The following FMNL2 variants were observed in gnomAD, a reference collection of about 807,000 sequenced individuals.
FMNL2 encodes the protein formin-like protein 2.
In FMNL2, 51 loss-of-function variants were observed where a neutral mutation model predicts 130.2. The ratio of observed to expected loss-of-function variants is 0.39; its 90% CI spans 0.31 to 0.49. The LOEUF is 0.49. Among genes scored for constraint, FMNL2 ranks in the 20% least tolerant of loss-of-function variants. The pLI, the probability that FMNL2 is intolerant of heterozygous loss-of-function variation, is 0.85. For synonymous variants in FMNL2, 465 were observed against 467.1 expected (o/e 1.00, Z 0.06); for missense variants, 977 against 1,316.2 (o/e 0.74, Z 3.99).
At chr2:152,381,810 C>CTTTTTT (rs3047878) in intron 1 of FMNL2, among the ~76,000 whole-genome samples, 5 of 149,916 alleles carry the variant, frequency 3.3e-5, no homozygotes. Flanking sequence ...CAAAGCAGAA[C>CTTTTTT]TTTTTTTTTT....
intron 1 of FMNL2, chr2:152,390,324 G>T: frequency 8.2e-7 from 1 of 1,218,216 alleles, no homozygotes; most frequent in Non-Finnish European, 1.2e-6. Context: ...AGTGAAGGTA[G>T]GGGAGAGCTC....
At chr2:152,599,155 T>C (rs1242530123) in intron 9 of FMNL2, among the ~76,000 whole-genome samples, 1 of 152,222 alleles carries the variant, frequency 6.6e-6, no homozygotes, top group African/African-American at 2.4e-5. Flanking sequence ...CTTTACTCAC[T>C]GTCACAGACA....
At chr2:152,574,328 CGGGAGGCTGAG>C (rs1340538175) in intron 6 of FMNL2, among the ~76,000 whole-genome samples, 1 of 149,990 alleles carries the variant, frequency 6.7e-6, no homozygotes, top group Non-Finnish European at 1.5e-5. Context: ...CCGAGCTACT[CGGGAGGCTGAG>C]GCAGGAGAAT....
intron 9 of FMNL2, among the ~76,000 whole-genome samples, chr2:152,589,112 A>AG (rs1487508736): frequency 6.6e-6 from 1 of 151,556 alleles, no homozygotes; most frequent in African/African-American, 2.4e-5. Context: ...AGCTTAAAAA[A>AG]AAAAAAAAGA....
chr2:152,602,124 G>A (rs1346097671), intron 9 of FMNL2, among the ~76,000 whole-genome samples: 1 of 152,158 alleles, frequency 6.6e-6, no homozygotes, highest in Admixed American at 6.5e-5. Context: ...TACCCTTATA[G>A]CCCTTTACCC....
chr2:152,635,677 A>G (rs946718142), intron 21 of FMNL2, among the ~76,000 whole-genome samples: 2 of 152,226 alleles, frequency 1.3e-5, no homozygotes, highest in Non-Finnish European at 2.9e-5. Flanking sequence ...CTGGTACTCA[A>G]CGTCCTAAAG....
intron 1 of FMNL2, among the ~76,000 whole-genome samples, chr2:152,434,174 A>G (rs1687630072): frequency 6.6e-6 from 1 of 152,238 alleles, no homozygotes. Context: ...AACCATTTAC[A>G]AAATACACTC....
intron 1 of FMNL2, among the ~76,000 whole-genome samples, chr2:152,495,718 G>A (rs1273399106): frequency 6.8e-6 from 1 of 146,168 alleles, no homozygotes; most frequent in Non-Finnish European, 1.5e-5. Context: ...GAGAGGACAG[G>A]ATACACATAC....
At chr2:152,532,007 A>T (rs953463535) in intron 2 of FMNL2, among the ~76,000 whole-genome samples, 3 of 152,242 alleles carry the variant, frequency 2.0e-5, no homozygotes, top group African/African-American at 7.2e-5. Flanking sequence ...GTATGGAGGT[A>T]CATTTTTAGC....
chr2:152,626,404 T>C (rs1681788678), intron 16 of FMNL2, 121 bp from the exon 17 acceptor site: 12 of 765,054 alleles, frequency 1.6e-5, no homozygotes, highest in Non-Finnish European at 2.1e-6. Context: ...GAGGAAGCCA[T>C]GGCCAAAGAC....
At chr2:152,611,113 G>A (rs1056580384) in intron 10 of FMNL2, among the ~76,000 whole-genome samples, 9 of 152,224 alleles carry the variant, frequency 5.9e-5, no homozygotes, top group East Asian at 1.9e-4. Flanking sequence ...GGCCCAGGCC[G>A]GCGGATCACG....
At chr2:152,583,485 G>A (rs1696901039) in intron 9 of FMNL2, among the ~76,000 whole-genome samples, 1 of 152,206 alleles carries the variant, frequency 6.6e-6, no homozygotes, top group African/African-American at 2.4e-5. Flanking sequence ...GTCACACAAG[G>A]TGGTTTGGGG....
chr2:152,607,856 A>G (rs540258029), intron 10 of FMNL2, among the ~76,000 whole-genome samples: 12 of 152,206 alleles, frequency 7.9e-5, no homozygotes, highest in East Asian at 1.9e-4. Context: ...GACTGTATGT[A>G]TCTCCAAAAT....
chr2:152,623,154 A>G (rs1425020531), intron 15 of FMNL2, among the ~76,000 whole-genome samples: 1 of 152,186 alleles, frequency 6.6e-6, no homozygotes, highest in Non-Finnish European at 1.5e-5. Flanking sequence ...GCAAACTTCT[A>G]GCGAGCGTCA....
At chr2:152,592,490 C>G (rs758446668) in intron 9 of FMNL2, among the ~76,000 whole-genome samples, 1 of 152,148 alleles carries the variant, frequency 6.6e-6, no homozygotes, top group Admixed American at 6.5e-5. Context: ...AGAAAGAAAG[C>G]ATGAGCAGAG....
intron 1 of FMNL2, among the ~76,000 whole-genome samples, chr2:152,472,970 C>T (rs914598637): frequency 6.6e-6 from 1 of 152,148 alleles, no homozygotes; most frequent in Admixed American, 6.5e-5. Flanking sequence ...ACATGGTAAA[C>T]CCTGAAATAT....
At chr2:152,570,140 C>T (rs976482601) in intron 6 of FMNL2, among the ~76,000 whole-genome samples, 1 of 152,074 alleles carries the variant, frequency 6.6e-6, no homozygotes, top group African/African-American at 2.4e-5. Context: ...TTGGTATCTG[C>T]TGGGATATGC....
chr2:152,574,045 C>T lies in FMNL2; in HGVS notation c.597-1091C>T, dbSNP rs190723074. On this transcript the variant is annotated intron_variant, in intron 6 of 25. Transcript: ENST00000288670. ...ACACTCCATAAAATAATGACAGGGA[C>T]ATTTTAGCTTCTTAGAAAGAGACTA... Among the ~76,000 whole-genome samples the T allele has an allele frequency of 1.3e-3, 197 of 152,200 alleles. 1 individual carries two copies. The highest frequency in any genetic ancestry group is 4.6e-3 in the African/African-American group (190 of 41,536).
chr2:152,437,987 C>G (rs1228614315), intron 1 of FMNL2, among the ~76,000 whole-genome samples: 1 of 152,160 alleles, frequency 6.6e-6, no homozygotes, highest in Non-Finnish European at 1.5e-5. Flanking sequence ...AGATGTTTGT[C>G]TTAAATTTGG....
Sources: allele counts gnomAD v4.1 joint callset (sites outside exome capture counted in the v4.1 genomes callset), GRCh38; gene constraint gnomAD v4.1.1; transcripts MANE v1.5; gene names NCBI Gene and HGNC (gene_info 2026-07-23, HGNC 2026-07-21).